The following PRKDC variants were observed in gnomAD, a reference collection of about 807,000 sequenced individuals.
PRKDC encodes the protein protein kinase, DNA-activated, catalytic subunit.
PRKDC carries 82 observed loss-of-function variants against 486.9 expected under a neutral mutation model. The observed-to-expected ratio is 0.17, with a 90% CI of 0.14 to 0.20. PRKDC has a LOEUF of 0.20. PRKDC is among the 10% of genes least tolerant of loss of function. The pLI is 1.00. For synonymous variants in PRKDC, 1,895 were observed against 1,837.0 expected, an observed-to-expected ratio of 1.03 and a Z score of -0.81; for missense variants, 4,504 against 5,038.2, an observed-to-expected ratio of 0.89 and a Z score of 3.21.
chr8:47,779,639 G>A (rs1184289041), intron 80 of PRKDC, among the ~76,000 whole-genome samples: 1 of 152,164 alleles, frequency 6.6e-6, no homozygotes, highest in African/African-American at 2.4e-5. Context: ...CGCCAGGCTG[G>A]AGTGCAGTGG....
chr8:47,817,591 A>C, intron 67 of PRKDC, 30 bp from the exon 68 acceptor site: 1 of 1,321,534 alleles, frequency 7.6e-7, no homozygotes, highest in Non-Finnish European at 1.1e-6. Context: ...GTGACTATAC[A>C]CACAGCTCAA....
chr8:47,848,433 G>A (rs1039165673), intron 54 of PRKDC, among the ~76,000 whole-genome samples: 5 of 152,128 alleles, frequency 3.3e-5, no homozygotes, highest in Admixed American at 3.3e-4. Context: ...GCTAAACACT[G>A]AGTACACATA....
In PRKDC at chr8:47,840,031, A is replaced by C. The variant is rs909325532; in HGVS notation, c.7439T>G (p.Ile2480Ser). The change falls in exon 55 of 86, where the codon ATT (isoleucine) becomes AGT (serine). Residue 2480 changes from isoleucine (I) to serine (S), a missense_variant. Around this residue, in one of 6 missense-constraint regions of PRKDC, gnomAD observed 1,592 missense variants for 1,724.6 expected, o/e 0.92. Transcript: ENST00000314191. ...REQMYNILMW[I>S]HDNYRDPESE... ...TATAGCTTACCTGTAATTATCATGA[A>C]TCCACATGAGAATATTATACATTTG... 1.3e-5 allele frequency: 20 copies of C among 1,539,990 alleles called. No individual in the cohort carries two copies. Among genetic ancestry groups the C allele is most frequent in the Non-Finnish European group, 1.3e-5 (15 of 1,140,134 alleles).
At chr8:47,774,957 C>T (rs1340060036) in intron 85 of PRKDC, among the ~76,000 whole-genome samples, 2 of 152,006 alleles carry the variant, frequency 1.3e-5, no homozygotes, top group African/African-American at 2.4e-5. Flanking sequence ...TCTGGCAAGG[C>T]GTGGTGGCTC....
At chr8:47,888,928 A>G in intron 33 of PRKDC, 86 bp downstream of exon 33, 2 of 1,353,274 alleles carry the variant, frequency 1.5e-6, no homozygotes, top group Non-Finnish European at 2.1e-6. Context: ...TCCCTGAGGA[A>G]GCAGGAGCAG....
chr8:47,867,116 T>C (rs765486997), intron 40 of PRKDC, among the ~76,000 whole-genome samples: 1 of 152,144 alleles, frequency 6.6e-6, no homozygotes, highest in Non-Finnish European at 1.5e-5. Context: ...AATACTATGA[T>C]ATTTCTTTGC....
intron 25 of PRKDC, among the ~76,000 whole-genome samples, chr8:47,910,609 T>C (rs956803498): frequency 4.6e-5 from 7 of 152,210 alleles, no homozygotes; most frequent in Admixed American, 1.3e-4. Context: ...CCTTTCAAAA[T>C]GTGTCTTGCT....
Position 47,782,710 on chromosome 8 carries a change from G to C in PRKDC, c.11176-112C>G. The C allele has an allele frequency of 8.2e-7, 1 of 1,215,178 alleles. No individual in the cohort carries two copies. The highest frequency in any genetic ancestry group is 1.5e-5 in the South Asian group (1 of 68,598). 75.3% of individuals were successfully genotyped at this position (1,215,178 alleles called of 1,614,324 possible). A position where few individuals can be genotyped will look rare whatever the true frequency, so the allele number is the denominator to read the frequency against. On this transcript the variant is annotated intron_variant, in intron 78 of 85. Transcript: ENST00000314191. The surrounding 1 kb of genome is among the most constrained non-coding windows in gnomAD (Gnocchi z 4.9). ...TCCGTGGGGCCGCCCTCTGAAGACA[G>C]TGCCAAAGAGCAGAGCGCCCAGGCC... is the stretch of plus-strand genomic sequence containing the variant.
At chr8:47,877,199 TAAATGCAGACTGAAG>T in intron 40 of PRKDC, among the ~76,000 whole-genome samples, 1 of 152,352 alleles carries the variant, frequency 6.6e-6, no homozygotes, top group Middle Eastern at 3.4e-3. Context: ...GAGACTGTTT[TAAATGCAGACTGAAG>T]AGACATAACA....
At chr8:47,863,363 A>G (rs752140563) in intron 42 of PRKDC, 36 bp downstream of exon 42, 2 of 1,503,792 alleles carry the variant, frequency 1.3e-6, no homozygotes, top group Non-Finnish European at 1.8e-6. Flanking sequence ...AAGCATTGAT[A>G]AATAAAATAG....
rs755959674 is a variant in PRKDC, at chr8:47,855,224, A to G, written c.6759T>C (p.Tyr2253=). The part of the protein sequence containing the change: ...ECWKDCLSIP[Y]RLIFEKFSGK... The stretch of plus-strand genomic sequence containing the variant: ...ACTGCAAAAACCAGTAAACATACCT[A>G]TAAGGGATGGATAAACAATCCTTCC... Residue 2253 remains tyrosine, a splice_region_variant and synonymous_variant, in exon 50 of 86, where the codon TAT becomes TAC. Transcript: ENST00000314191. 2.5e-6 allele frequency: 4 copies of G among 1,599,580 alleles called. No homozygotes were observed. The Admixed American group carries it at 5.2e-5, about 21-fold the overall frequency.
rs181865320 is a variant in PRKDC, at chr8:47,816,176, C to T, written c.9557+1274G>A. ...TTGCAGTGAGCTGAGATTGTGCCAC[C>T]GCACTCCAGCCTGGGCAAAAAGACT... On this transcript the variant is annotated intron_variant, in intron 68 of 85. Coordinates refer to ENST00000314191, the MANE Select transcript of PRKDC (RefSeq NM_006904.7). Among the ~76,000 whole-genome samples, 57 of 151,506 alleles carry T rather than the reference C, an allele frequency of 3.8e-4. No individual in the cohort carries two copies. The Middle Eastern group carries it at 0.01, about 27-fold the overall frequency.
At chr8:47,822,428 C>G (rs890014404) in intron 64 of PRKDC, among the ~76,000 whole-genome samples, 4 of 152,028 alleles carry the variant, frequency 2.6e-5, no homozygotes, top group African/African-American at 9.7e-5. Flanking sequence ...GGTTATTTAC[C>G]ACGTAACAAG....
intron 30 of PRKDC, among the ~76,000 whole-genome samples, chr8:47,894,098 T>A (rs1427128394): frequency 6.6e-6 from 1 of 152,062 alleles, no homozygotes; most frequent in Non-Finnish European, 1.5e-5. Flanking sequence ...CTGGCCAACA[T>A]GGTGAAACCC....
chr8:47,813,763 A>G (rs2087383624), intron 68 of PRKDC, among the ~76,000 whole-genome samples: 1 of 152,058 alleles, frequency 6.6e-6, no homozygotes, highest in Non-Finnish European at 1.5e-5. Flanking sequence ...TAGTAGAGAC[A>G]GGTTTTGTCC....
At position 47,888,994 on chromosome 8, in the gene PRKDC, A is replaced by G. The variant is rs772720999; in HGVS notation, c.4280+20T>C. ...GAAATTCCAGGACAACATGTCCCCG[A>G]TTGTGACCCAAGTACCCACCTCTGT... On this transcript the variant is annotated intron_variant, in intron 33 of 85. Transcript: ENST00000314191. The G allele has an allele frequency of 1.9e-6, 3 of 1,606,566 alleles. No homozygotes were observed. Among genetic ancestry groups the G allele is most frequent in the Non-Finnish European group, 2.6e-6 (3 of 1,173,616 alleles).
chr8:47,895,044 C>A (rs887155494), intron 30 of PRKDC, among the ~76,000 whole-genome samples: 1 of 151,998 alleles, frequency 6.6e-6, no homozygotes, highest in African/African-American at 2.4e-5. Flanking sequence ...CTGCAACCTA[C>A]CTAGCCTGGG....
intron 27 of PRKDC, among the ~76,000 whole-genome samples, chr8:47,902,171 C>G (rs182437032): frequency 6.6e-6 from 1 of 152,138 alleles, no homozygotes; most frequent in African/African-American, 2.4e-5. Context: ...TCTCTACCCC[C>G]CCACCACCCA....
At chr8:47,862,306 T>C (rs1411684095) in intron 43 of PRKDC, 67 bp downstream of exon 43, 1 of 1,493,988 alleles carries the variant, frequency 6.7e-7, no homozygotes, top group South Asian at 1.2e-5. Flanking sequence ...ATCTGTAAGT[T>C]TGACTGATAT....
Sources: gnomAD v4.1 joint callset for allele counts (sites outside exome capture counted in the v4.1 genomes callset) on GRCh38, gnomAD v4.1.1 for gene constraint, gnomAD v4.1.1 regional missense constraint, Gnocchi (gnomAD v3.1) non-coding constraint, MANE v1.5 for transcripts, NCBI Gene and HGNC (gene_info 2026-07-23, HGNC 2026-07-21) for gene names.